ZNF341: variants seen among roughly 807,000 people sequenced by gnomAD.
ZNF341 encodes the protein zinc finger protein 341.
A neutral mutation model predicts 87.7 loss-of-function variants in ZNF341; 52 were observed. That is an observed-to-expected ratio of 0.59 (90% CI 0.47 to 0.75). ZNF341 has a LOEUF of 0.75. Ranked by LOEUF, ZNF341 falls within the 30% of genes least tolerant of loss-of-function variation. The pLI is 0.00. For synonymous variants in ZNF341, 459 were observed against 472.7 expected (o/e 0.97, Z 0.38); for missense variants, 977 against 1,145.9 (o/e 0.85, Z 2.13).
intron 1 of ZNF341, among the ~76,000 whole-genome samples, chr20:33,740,636 C>G (rs899738049): frequency 2.6e-5 from 4 of 152,110 alleles, no homozygotes; most frequent in Admixed American, 2.0e-4. Context: ...TCCCTAGTAG[C>G]TGGGACCACA....
Position 33,761,974 on chromosome 20 carries a change from G to C in ZNF341, c.1141G>C (p.Gly381Arg). The change falls in exon 8 of 15, where the codon GGT becomes CGT. Residue 381 changes from glycine to arginine, a missense_variant. Gly to Arg is a moderately radical substitution (Grantham distance 125, BLOSUM62 -2). Coordinates refer to ENST00000375200, the MANE Select transcript of ZNF341 (RefSeq NM_001282933.2). ...THKVWPPGHS[G>R]GTVSRNSVTV... ...CAAGGTGTGGCCTCCAGGACACAGTGGTGGCACCGTGTCTCGAAACTCTGT... is the reference window on the plus strand; with the variant it reads ...CAAGGTGTGGCCTCCAGGACACAGTCGTGGCACCGTGTCTCGAAACTCTGT... 1 of 1,607,670 alleles carries C rather than the reference G, an allele frequency of 6.2e-7. No individual in the cohort carries two copies.
intron 7 of ZNF341, among the ~76,000 whole-genome samples, chr20:33,759,354 G>A (rs1385999721): frequency 3.3e-5 from 5 of 152,098 alleles, no homozygotes; most frequent in African/African-American, 1.2e-4. Context: ...GTGCAATCTC[G>A]GCTCACTGCA....
At chr20:33,780,889 T>C (rs2019727460) in intron 10 of ZNF341, among the ~76,000 whole-genome samples, 3 of 151,972 alleles carry the variant, frequency 2.0e-5, no homozygotes, top group Non-Finnish European at 4.4e-5. Flanking sequence ...AAATTTTTCA[T>C]AGGGATAGGG....
chr20:33,754,549 C>G (rs540907294), intron 5 of ZNF341, among the ~76,000 whole-genome samples: 1 of 152,296 alleles, frequency 6.6e-6, no homozygotes, highest in East Asian at 1.9e-4. Context: ...TTGCCCTACC[C>G]TGGGAGAATA....
intron 3 of ZNF341, among the ~76,000 whole-genome samples, chr20:33,747,644 A>C: frequency 7.3e-6 from 1 of 137,928 alleles, no homozygotes; most frequent in Non-Finnish European, 1.6e-5. Flanking sequence ...AAAAAAAAAC[A>C]CAGTCATTTT....
intron 9 of ZNF341, 29 bp from the exon 10 acceptor site, chr20:33,770,055 C>T (rs1294957166): frequency 6.4e-7 from 1 of 1,573,828 alleles, no homozygotes; most frequent in East Asian, 2.2e-5. Flanking sequence ...CTCCTGCCTC[C>T]TGTCACCTGC....
intron 1 of ZNF341, among the ~76,000 whole-genome samples, chr20:33,733,884 C>T (rs1044741685): frequency 6.6e-6 from 1 of 152,192 alleles, no homozygotes; most frequent in Non-Finnish European, 1.5e-5. Context: ...ATAAGATGAC[C>T]TCAGCTGGCC....
chr20:33,764,543 G>GTGTATGTATATA (rs1332743148), intron 8 of ZNF341, among the ~76,000 whole-genome samples: 7 of 69,338 alleles, frequency 1.0e-4, no homozygotes, highest in African/African-American at 4.8e-4. Flanking sequence ...GTGTGTATGT[G>GTGTATGTATATA]TATATATATA....
chr20:33,774,999 A>G (rs1456763549), intron 10 of ZNF341, among the ~76,000 whole-genome samples: 1 of 152,164 alleles, frequency 6.6e-6, no homozygotes, highest in Admixed American at 6.5e-5. Context: ...TTCAGCAACA[A>G]TAGACCTGCC....
chr20:33,783,822 C>A lies in ZNF341; in HGVS notation c.1810C>A (p.Arg604=). 3.7e-6 allele frequency: 6 copies of A among 1,613,660 alleles called. No homozygotes were observed. The highest frequency in any genetic ancestry group is 5.1e-6 in the Non-Finnish European group (6 of 1,179,820). Residue 604 remains arginine (R), a synonymous_variant, in exon 12 of 15, where the codon CGG becomes AGG. Transcript: ENST00000375200. ...GTGCCAAGTGTGCAAGAAGTTCTTC[C>A]GGCGGGAGCATTATCTCAAACTGCA... ...FKCQVCKKFF[R]REHYLKLHAH...
intron 11 of ZNF341, 74 bp from the exon 12 acceptor site, chr20:33,783,658 A>G: frequency 6.2e-7 from 1 of 1,604,520 alleles, no homozygotes; most frequent in Non-Finnish European, 8.5e-7. Flanking sequence ...GAAACGAGGA[A>G]CCTTTGAGTT....
chr20:33,767,184 G>A (rs3813920), intron 9 of ZNF341, 143 bp downstream of exon 9: 461,708 of 1,010,608 alleles, frequency 0.46, 109,336 homozygotes, highest in East Asian at 0.77. Context: ...GTTAGATTCC[G>A]AGCAGGGGAT....
In ZNF341 at chr20:33,732,129, C is replaced by G; in HGVS notation, c.31+77C>G. On this transcript the variant is annotated intron_variant, in intron 1 of 14. Transcript: ENST00000375200. The surrounding 1 kb of genome is among the most constrained non-coding windows in gnomAD (Gnocchi z 4.5). The stretch of plus-strand genomic sequence containing the variant: ...CCGCCGCGCCCTCGCAGCGCCCGGC[C>G]TAGGGCGCGCAGCGGCCGCGGGGCG... 1.9e-6 allele frequency: 2 copies of G among 1,037,164 alleles called. No individual in the cohort carries two copies. The highest frequency in any genetic ancestry group is 1.7e-5 in the African/African-American group (1 of 57,792). 64.2% of individuals were successfully genotyped at this position (1,037,164 alleles called of 1,614,324 possible).
At chr20:33,734,411 GT>G (rs1440763672) in intron 1 of ZNF341, among the ~76,000 whole-genome samples, 1 of 152,214 alleles carries the variant, frequency 6.6e-6, no homozygotes, top group African/African-American at 2.4e-5. Flanking sequence ...CAGAGTGGCA[GT>G]GGGGGGTCGG....
intron 10 of ZNF341, among the ~76,000 whole-genome samples, chr20:33,774,064 G>A (rs1336569059): frequency 6.7e-6 from 1 of 148,264 alleles, no homozygotes; most frequent in African/African-American, 2.5e-5. Flanking sequence ...CAGATCACTT[G>A]AGGTCAGGAG....
At chr20:33,775,096 T>G (rs543333997) in intron 10 of ZNF341, among the ~76,000 whole-genome samples, 3 of 152,336 alleles carry the variant, frequency 2.0e-5, no homozygotes, top group African/African-American at 7.2e-5. Flanking sequence ...GTTAGTGAGG[T>G]TATTTTCAGT....
At position 33,788,900 on chromosome 20, in the gene ZNF341, G is replaced by T; in HGVS notation, c.1890G>T (p.Ala630=). The T allele has an allele frequency of 1.1e-5, 18 of 1,614,048 alleles. No individual in the cohort carries two copies. The highest frequency in any genetic ancestry group is 1.5e-5 in the Non-Finnish European group (18 of 1,180,016). Residue 630 remains alanine, a synonymous_variant, in exon 13 of 15, where the codon GCG becomes GCT. Transcript: ENST00000375200. Reference sequence around the variant, plus strand: ...ACAAATGCTCAGTGTGCGAGTCTGCGTTCAACCGCAAGGACAAACTGAAGA... The same window carrying T: ...ACAAATGCTCAGTGTGCGAGTCTGCTTTCAACCGCAAGGACAAACTGAAGA... ...KPYKCSVCES[A]FNRKDKLKRH... is the part of the protein sequence containing the mutation.
At chr20:33,778,477 A>T (rs909603589) in intron 10 of ZNF341, among the ~76,000 whole-genome samples, 2 of 151,788 alleles carry the variant, frequency 1.3e-5, no homozygotes, top group Non-Finnish European at 1.5e-5. Flanking sequence ...CACCTGGCTA[A>T]TTTTTGTATT....
Position 33,770,116 on chromosome 20 carries a change from G to A in ZNF341, c.1446G>A (p.Gln482=). ...AGTGTGTGGTCAAAAGCTGTGCCCA[G>A]ACGTTCCCAAAGCTCGACACATTTC... ...VYKCVVKSCA[Q]TFPKLDTFLE... is the part of the protein sequence containing the mutation. The change falls in exon 10 of 15, where the codon CAG becomes CAA. Residue 482 remains glutamine (Q), a synonymous_variant. Transcript: ENST00000375200. 6.2e-7 allele frequency: 1 copy of A among 1,613,964 alleles called. No individual in the cohort carries two copies. The highest frequency in any genetic ancestry group is 8.5e-7 in the Non-Finnish European group (1 of 1,179,912).
Sources: allele counts gnomAD v4.1 joint callset (sites outside exome capture counted in the v4.1 genomes callset), GRCh38; gene constraint gnomAD v4.1.1; non-coding constraint Gnocchi (gnomAD v3.1); transcripts MANE v1.5; gene names NCBI Gene and HGNC (gene_info 2026-07-23, HGNC 2026-07-21).